Variants in RBFOX1 observed in about 807,000 individuals in gnomAD.
The protein encoded by RBFOX1 is RNA binding fox-1 homolog 1.
RBFOX1 carries 8 observed loss-of-function variants against 57.7 expected under a neutral mutation model. The observed-to-expected ratio is 0.14, with a 90% CI of 0.08 to 0.25. The LOEUF (loss-of-function observed/expected upper bound fraction) is 0.25. Ranked by LOEUF, RBFOX1 falls within the 10% of genes least tolerant of loss-of-function variation. The pLI is 1.00. For synonymous variants in RBFOX1, 326 were observed against 222.4 expected (o/e 1.47, Z -4.15); for missense variants, 611 against 548.5 (o/e 1.11, Z -1.14).
intron 2 of RBFOX1, among the ~76,000 whole-genome samples, chr16:6,320,051 A>G (rs1195522276): frequency 6.6e-6 from 1 of 152,166 alleles, no homozygotes; most frequent in Non-Finnish European, 1.5e-5. Flanking sequence ...CAATTTCAAA[A>G]GCATACTCTT....
chr16:6,495,172 G>T (rs919709530), intron 2 of RBFOX1, among the ~76,000 whole-genome samples: 2 of 152,158 alleles, frequency 1.3e-5, no homozygotes. Flanking sequence ...ATGCGGGAGT[G>T]AAGTGGTGGA....
At chr16:6,258,212 G>C (rs1262271672) in intron 1 of RBFOX1, among the ~76,000 whole-genome samples, 1 of 152,120 alleles carries the variant, frequency 6.6e-6, no homozygotes, top group Non-Finnish European at 1.5e-5. Flanking sequence ...GGCCATTAAA[G>C]ACATTTGGAA....
At position 6,345,477 on chromosome 16, in the gene RBFOX1, A is replaced by G. The variant is rs182758878; in HGVS notation, c.-64+28420A>G. Among the ~76,000 whole-genome samples the G allele has an allele frequency of 5.9e-5, 9 of 152,290 alleles. No individual in the cohort carries two copies. The East Asian group carries it at 1.7e-3, about 29-fold the overall frequency. On this transcript the variant is annotated intron_variant, in intron 2 of 15. Transcript: ENST00000550418. ...ACATGGCAGGCTGGTGTGCATGTCT[A>G]ATGGAAAGCTGCTTCTCCCCCAGCC...
intron 2 of RBFOX1, among the ~76,000 whole-genome samples, chr16:6,555,799 C>G (rs1376991107): frequency 6.6e-6 from 1 of 152,180 alleles, no homozygotes; most frequent in African/African-American, 2.4e-5. Context: ...GTTGCATTGA[C>G]ATTTAGGCAG....
chr16:6,515,025 C>T (rs2096345654), intron 2 of RBFOX1, among the ~76,000 whole-genome samples: 1 of 151,694 alleles, frequency 6.6e-6, no homozygotes, highest in Non-Finnish European at 1.5e-5. Context: ...ACATCTTTGA[C>T]ACAAGCTTCA....
intron 2 of RBFOX1, among the ~76,000 whole-genome samples, chr16:6,642,929 C>T (rs1306743098): frequency 3.3e-5 from 5 of 152,292 alleles, no homozygotes; most frequent in South Asian, 2.1e-4. Flanking sequence ...ACTTAGTTTA[C>T]ATGCGTTGTT....
chr16:7,495,664 T>C (rs559793040), intron 4 of RBFOX1, among the ~76,000 whole-genome samples: 68 of 152,210 alleles, frequency 4.5e-4, no homozygotes, highest in Non-Finnish European at 8.8e-4. Flanking sequence ...TTTTTGCATG[T>C]GCAGAATTTA....
chr16:7,214,776 C>G (rs892782994), intron 4 of RBFOX1, among the ~76,000 whole-genome samples: 6 of 152,136 alleles, frequency 3.9e-5, no homozygotes, highest in East Asian at 3.9e-4. Context: ...CTGTCTCAAT[C>G]TCACCCCTGC....
chr16:6,598,656 C>T (rs995320258), intron 2 of RBFOX1, among the ~76,000 whole-genome samples: 8 of 152,160 alleles, frequency 5.3e-5, no homozygotes, highest in Admixed American at 2.6e-4. Context: ...TTTAAGAATA[C>T]GTAGTGGCTG....
At chr16:6,910,960 G>T (rs2071417911) in intron 3 of RBFOX1, among the ~76,000 whole-genome samples, 1 of 152,098 alleles carries the variant, frequency 6.6e-6, no homozygotes, top group Non-Finnish European at 1.5e-5. Flanking sequence ...CAGCACTTTG[G>T]GAGGCCGAGA....
intron 4 of RBFOX1, among the ~76,000 whole-genome samples, chr16:7,199,238 A>G (rs1178076169): frequency 3.9e-5 from 6 of 152,172 alleles, no homozygotes; most frequent in African/African-American, 1.4e-4. Context: ...AAGAGCTTAA[A>G]CCAGACAAGA....
At position 6,391,215 on chromosome 16, in the gene RBFOX1, G is replaced by A. The variant is rs192540249; in HGVS notation, c.-64+74158G>A. ...GCCACTGAAAGTTTGAACCAATTAA[G>A]TATCACGATTTGGGCCAGGCACGGT... On this transcript the variant is annotated intron_variant, in intron 2 of 15. Coordinates refer to ENST00000550418, the MANE Select transcript of RBFOX1 (RefSeq NM_018723.4). 6.8e-4 allele frequency among the ~76,000 whole-genome samples: 104 copies of A among 152,216 alleles called. 1 individual carries two copies. The East Asian group carries it at 9.1e-3, about 13-fold the overall frequency.
intron 1 of RBFOX1, among the ~76,000 whole-genome samples, chr16:6,169,195 A>G (rs1245791743): frequency 6.6e-6 from 1 of 152,180 alleles, no homozygotes; most frequent in Non-Finnish European, 1.5e-5. Flanking sequence ...CTTTAGCTCT[A>G]GGGTCATTGA....
At chr16:6,183,618 G>T in intron 1 of RBFOX1, among the ~76,000 whole-genome samples, 1 of 152,076 alleles carries the variant, frequency 6.6e-6, no homozygotes, top group East Asian at 1.9e-4. Flanking sequence ...TGTAACATTT[G>T]TGCAGAAACA....
At chr16:6,741,951 T>A (rs1035907291) in intron 3 of RBFOX1, among the ~76,000 whole-genome samples, 1 of 152,308 alleles carries the variant, frequency 6.6e-6, no homozygotes, top group Non-Finnish European at 1.5e-5. Context: ...TAATTCTGTA[T>A]TATATTCTTG....
At chr16:6,378,526 C>T (rs937807507) in intron 2 of RBFOX1, among the ~76,000 whole-genome samples, 2 of 152,222 alleles carry the variant, frequency 1.3e-5, no homozygotes, top group African/African-American at 4.8e-5. Flanking sequence ...ACACAGCCAT[C>T]TCCTGGCTGG....
In RBFOX1 at chr16:6,793,653, A is replaced by G. The variant is rs1004481542; in HGVS notation, c.-16+139003A>G. 2.4e-4 allele frequency among the ~76,000 whole-genome samples: 36 copies of G among 152,336 alleles called. 1 individual carries two copies. Among genetic ancestry groups the G allele is most frequent in the African/African-American group, 8.7e-4 (36 of 41,578 alleles). On this transcript the variant is annotated intron_variant, in intron 3 of 15. Transcript: ENST00000550418. Reference sequence around the variant, plus strand: ...AAGCAAAAAAAGAAATCTTGAGCCAAAGTATTATAACTTGCTCTGTAGGAA... The same window carrying G: ...AAGCAAAAAAAGAAATCTTGAGCCAGAGTATTATAACTTGCTCTGTAGGAA...
intron 5 of RBFOX1, among the ~76,000 whole-genome samples, chr16:7,558,533 T>C (rs1385092842): frequency 2.6e-5 from 4 of 152,156 alleles, no homozygotes; most frequent in Admixed American, 2.6e-4. Flanking sequence ...TATATTAATA[T>C]GTATATACAT....
At chr16:6,413,912 G>A (rs1393690482) in intron 2 of RBFOX1, among the ~76,000 whole-genome samples, 2 of 152,120 alleles carry the variant, frequency 1.3e-5, no homozygotes, top group Admixed American at 6.5e-5. Context: ...AGGTTGATGG[G>A]GACCTGCATT....
Sources: gnomAD v4.1 joint callset for allele counts (sites outside exome capture counted in the v4.1 genomes callset) on GRCh38, gnomAD v4.1.1 for gene constraint, MANE v1.5 for transcripts, NCBI Gene and HGNC (gene_info 2026-07-23, HGNC 2026-07-21) for gene names.